The following DNAI4 variants were observed in gnomAD, a reference collection of about 807,000 sequenced individuals.
The protein encoded by DNAI4 is WD repeat domain 78.
Under a neutral mutation model 105.8 loss-of-function variants are expected in DNAI4, and 85 were observed. The observed-to-expected ratio is 0.80, with a 90% CI of 0.67 to 0.96. The LOEUF (loss-of-function observed/expected upper bound fraction) is 0.96, where lower values mean the gene tolerates loss of function less well. DNAI4 is among the 40% of genes least tolerant of loss of function. The probability of loss-of-function intolerance (pLI) is 0.00; values close to 1 mark genes in which losing one functional copy is unlikely to be tolerated. For missense variants in DNAI4, 1,014 were observed against 1,005.6 expected (o/e 1.01, Z -0.11); for synonymous variants, 352 against 331.5 (o/e 1.06, Z -0.67).
intron 1 of DNAI4, among the ~76,000 whole-genome samples, chr1:66,908,508 T>A (rs1381842130): frequency 1.3e-5 from 2 of 152,226 alleles, no homozygotes; most frequent in African/African-American, 4.8e-5. Flanking sequence ...AAGTTGTCTA[T>A]GCTGCTTCAC....
At chr1:66,903,009 T>C (rs950929225) in intron 2 of DNAI4, among the ~76,000 whole-genome samples, 4 of 152,226 alleles carry the variant, frequency 2.6e-5, no homozygotes, top group African/African-American at 9.6e-5. Context: ...TTATTCAAGA[T>C]TGTTTGGGCT....
In DNAI4 at chr1:66,893,063, GAGAAAGAAAGAA is replaced by G. The variant is rs768595484; in HGVS notation, c.530+154_530+165del. 3.7e-3 allele frequency among the ~76,000 whole-genome samples: 335 copies of G among 89,548 alleles called. 4 individuals carry two copies. Among genetic ancestry groups the G allele is most frequent in the Middle Eastern group, 0.021 (4 of 188 alleles). 58.7% of individuals were successfully genotyped at this position (89,548 alleles called of 152,430 possible). On this transcript the variant is annotated intron_variant, in intron 3 of 16. Coordinates refer to ENST00000371026, the MANE Select transcript of DNAI4 (RefSeq NM_024763.5). ...AGAAAGAAAGAAAGAAAGAGAGAGAGAGAAAGAAAGAAAGAAAGAAAGAAAGAAAGAAAGAAA... is the reference window on the plus strand; with the variant it reads ...AGAAAGAAAGAAAGAAAGAGAGAGAGAGAAAGAAAGAAAGAAAGAAAGAAA...
intron 8 of DNAI4, among the ~76,000 whole-genome samples, chr1:66,845,190 C>CAAAAAAAAAAAAAAAAAAAAAAAAAAAAA (rs59265844): frequency 2.8e-5 from 3 of 106,314 alleles, no homozygotes; most frequent in Non-Finnish European, 3.6e-5. Flanking sequence ...AACTCCATCT[C>CAAAAAAAAAAAAAAAAAAAAAAAAAAAAA]AAAAAAAAAA....
intron 10 of DNAI4, among the ~76,000 whole-genome samples, chr1:66,836,298 AAGAAAGAAAGAAAG>A (rs1646019180): frequency 6.6e-6 from 1 of 150,890 alleles, no homozygotes; most frequent in Non-Finnish European, 1.5e-5. Flanking sequence ...GAAAGAAAGA[AAGAAAGAAAGAAAG>A]AAAGAAAGAA....
At chr1:66,884,793 T>C (rs1331534615) in intron 4 of DNAI4, among the ~76,000 whole-genome samples, 1 of 152,206 alleles carries the variant, frequency 6.6e-6, no homozygotes, top group Non-Finnish European at 1.5e-5. Flanking sequence ...CAACTGCAGA[T>C]ACCAAATAGC....
intron 7 of DNAI4, 181 bp from the exon 8 acceptor site, chr1:66,847,859 T>C (rs1646311585): frequency 5.4e-6 from 3 of 555,508 alleles, no homozygotes; most frequent in Non-Finnish European, 9.3e-6. Context: ...ATATCTCATT[T>C]TGGAATTCTT....
rs1362869630 is a variant in DNAI4 at position 66,917,466 on chromosome 1, GA to G, written c.170+7195del. Among the ~76,000 whole-genome samples the G allele has an allele frequency of 2.0e-5, 3 of 152,176 alleles. 1 individual carries two copies. The South Asian group carries it at 6.2e-4, about 32-fold the overall frequency. ...AGATTGTGACATTAGAATAGAGGGG[GA>G]AAAAAACTTGCAGGATTCTCATGGA... On this transcript the variant is annotated intron_variant, in intron 1 of 16. Transcript: ENST00000371026.
At chr1:66,911,471 G>A (rs1649652852) in intron 1 of DNAI4, among the ~76,000 whole-genome samples, 1 of 152,122 alleles carries the variant, frequency 6.6e-6, no homozygotes, top group Non-Finnish European at 1.5e-5. Flanking sequence ...TGAAGGTTTG[G>A]TTGGTGAGGC....
intron 2 of DNAI4, among the ~76,000 whole-genome samples, chr1:66,896,852 C>T (rs1648377145): frequency 6.6e-6 from 1 of 152,058 alleles, no homozygotes; most frequent in African/African-American, 2.4e-5. Context: ...TATTCATTTA[C>T]AGAAACAGAA....
chr1:66,836,080 C>T (rs1645980398), intron 10 of DNAI4, among the ~76,000 whole-genome samples: 1 of 148,440 alleles, frequency 6.7e-6, no homozygotes, highest in Non-Finnish European at 1.5e-5. Flanking sequence ...CACTTGAGAC[C>T]AGCAGTTTGG....
At chr1:66,892,406 A>C (rs1362127315) in intron 3 of DNAI4, among the ~76,000 whole-genome samples, 1 of 152,224 alleles carries the variant, frequency 6.6e-6, no homozygotes, top group Non-Finnish European at 1.5e-5. Context: ...AGCTCAAAAG[A>C]AGCTGAAGAA....
chr1:66,891,325 T>A, intron 3 of DNAI4, 59 bp from the exon 4 acceptor site: 2 of 1,173,392 alleles, frequency 1.7e-6, no homozygotes, highest in Non-Finnish European at 2.5e-6. Context: ...GGAAACTACA[T>A]ATACAAATTA....
intron 7 of DNAI4, chr1:66,848,002 T>C (rs560242432): frequency 5.6e-6 from 2 of 357,822 alleles, no homozygotes; most frequent in African/African-American, 4.3e-5. Context: ...GATTTGATTA[T>C]TGCTATACAG....
chr1:66,850,142 CAA>C (rs34423900), intron 7 of DNAI4, among the ~76,000 whole-genome samples: 15,163 of 129,412 alleles, frequency 0.12, 830 homozygotes, highest in South Asian at 0.18. Context: ...AACAGAAGAC[CAA>C]AAAAAAAAAA....
At chr1:66,834,267 T>C (rs989684782) in intron 11 of DNAI4, 119 bp from the exon 12 acceptor site, 3 of 713,134 alleles carry the variant, frequency 4.2e-6, no homozygotes, top group South Asian at 3.2e-5. Context: ...ATAATCCTTT[T>C]ATTGTTCAAA....
At chr1:66,892,122 C>T (rs143110642) in intron 3 of DNAI4, among the ~76,000 whole-genome samples, 24 of 152,238 alleles carry the variant, frequency 1.6e-4, no homozygotes, top group African/African-American at 5.5e-4. Context: ...TTTCCTTAAA[C>T]ATATGAACTT....
chr1:66,906,156 C>T (rs1023629810), intron 1 of DNAI4, among the ~76,000 whole-genome samples: 3 of 151,888 alleles, frequency 2.0e-5, no homozygotes, highest in African/African-American at 4.8e-5. Flanking sequence ...CTCCTGGCCT[C>T]GTGATCGTCT....
intron 16 of DNAI4, among the ~76,000 whole-genome samples, chr1:66,817,335 C>T (rs142927231): frequency 2.0e-5 from 3 of 152,218 alleles, no homozygotes; most frequent in Admixed American, 1.3e-4. Flanking sequence ...CACTTGAGGA[C>T]GCTTAGGTGG....
At chr1:66,914,264 C>T (rs1649900000) in intron 1 of DNAI4, among the ~76,000 whole-genome samples, 2 of 152,194 alleles carry the variant, frequency 1.3e-5, no homozygotes, top group African/African-American at 4.8e-5. Context: ...TCTTTGTGCA[C>T]ATTTACAAGG....
Sources: gnomAD v4.1 joint callset for allele counts (sites outside exome capture counted in the v4.1 genomes callset) on GRCh38, gnomAD v4.1.1 for gene constraint, MANE v1.5 for transcripts, NCBI Gene and HGNC (gene_info 2026-07-23, HGNC 2026-07-21) for gene names.